The following EPHA7 variants were observed in gnomAD, a reference collection of about 807,000 sequenced individuals.
The protein encoded by EPHA7 is EPH receptor A7.
EPHA7 carries 25 observed loss-of-function variants against 112.6 expected under a neutral mutation model. That is an observed-to-expected ratio of 0.22 (90% CI 0.16 to 0.31). The LOEUF is 0.31. Among genes scored for constraint, EPHA7 ranks in the 10% least tolerant of loss-of-function variants. The probability of loss-of-function intolerance (pLI) is 1.00; values close to 1 mark genes in which losing one functional copy is unlikely to be tolerated. For missense variants in EPHA7, 962 were observed against 1,212.6 expected (o/e 0.79, Z 3.07); for synonymous variants, 437 against 406.5 (o/e 1.07, Z -0.90).
At position 93,242,532 on chromosome 6, in the gene EPHA7, C is replaced by T. The variant is rs891436083; in HGVS notation, c.*894G>A. 4.5e-5 allele frequency: 9 copies of T among 200,920 alleles called. No individual in the cohort carries two copies. The highest frequency in any genetic ancestry group is 1.8e-4 in the African/African-American group (8 of 43,582). 12.4% of individuals were successfully genotyped at this position (200,920 alleles called of 1,614,324 possible). A position where few individuals can be genotyped will look rare whatever the true frequency, so the allele number is the denominator to read the frequency against. ...GGATAGTTCTGCTTTCAGAGACTTG[C>T]CTTCACCAACATTCTTCAGATGAAG... On this transcript the variant is annotated 3_prime_UTR_variant, in exon 17 of 17. Transcript: ENST00000369303.
At chr6:93,372,228 T>C (rs1347459595) in intron 3 of EPHA7, among the ~76,000 whole-genome samples, 1 of 152,166 alleles carries the variant, frequency 6.6e-6, no homozygotes, top group East Asian at 1.9e-4. Flanking sequence ...AGGTATCTGA[T>C]GCTTGAACAT....
intron 2 of EPHA7, among the ~76,000 whole-genome samples, chr6:93,414,166 C>A (rs568852446): frequency 6.6e-6 from 1 of 151,640 alleles, no homozygotes; most frequent in African/African-American, 2.4e-5. Context: ...TTAATAACAG[C>A]GGATAGCACA....
intron 3 of EPHA7, among the ~76,000 whole-genome samples, chr6:93,396,442 A>C (rs1189683265): frequency 6.6e-6 from 1 of 151,908 alleles, no homozygotes; most frequent in Non-Finnish European, 1.5e-5. Context: ...AAAGCATATA[A>C]AAATATTTAA....
intron 5 of EPHA7, among the ~76,000 whole-genome samples, chr6:93,325,135 C>A (rs1479126240): frequency 1.3e-5 from 2 of 151,102 alleles, no homozygotes; most frequent in South Asian, 2.1e-4. Flanking sequence ...TTTAGAATTG[C>A]CAGGAATAAT....
chr6:93,277,082 C>T (rs1771505137), intron 5 of EPHA7, among the ~76,000 whole-genome samples: 1 of 151,940 alleles, frequency 6.6e-6, no homozygotes, highest in African/African-American at 2.4e-5. Context: ...AAGGGAAAAC[C>T]TGCTAATAGT....
intron 5 of EPHA7, among the ~76,000 whole-genome samples, chr6:93,323,688 A>C (rs377428932): frequency 5.9e-4 from 90 of 151,574 alleles, no homozygotes; most frequent in African/African-American, 2.1e-3. Flanking sequence ...GAAATCAAAA[A>C]TGAAAGGACT....
chr6:93,322,556 C>G (rs1206749867), intron 5 of EPHA7, among the ~76,000 whole-genome samples: 1 of 151,516 alleles, frequency 6.6e-6, no homozygotes, highest in Non-Finnish European at 1.5e-5. Context: ...CTAAATCATG[C>G]TCCTAAGGAA....
At chr6:93,336,973 G>T (rs1774911083) in intron 5 of EPHA7, among the ~76,000 whole-genome samples, 1 of 151,940 alleles carries the variant, frequency 6.6e-6, no homozygotes, top group South Asian at 2.1e-4. Context: ...GTGGCAGTTT[G>T]AAGTAGTTAG....
At chr6:93,315,158 G>A (rs983655231) in intron 5 of EPHA7, among the ~76,000 whole-genome samples, 17 of 152,020 alleles carry the variant, frequency 1.1e-4, no homozygotes, top group African/African-American at 3.6e-4. Context: ...CACCGCGCCT[G>A]GCCGACAATA....
chr6:93,297,087 TTAAAAA>T (rs1411230892), intron 5 of EPHA7, among the ~76,000 whole-genome samples: 1 of 152,002 alleles, frequency 6.6e-6, no homozygotes, highest in East Asian at 1.9e-4. Flanking sequence ...TATAATTTAC[TTAAAAA>T]TAAAAATATA....
chr6:93,370,035 C>A (rs1776708701), intron 3 of EPHA7, among the ~76,000 whole-genome samples: 1 of 152,164 alleles, frequency 6.6e-6, no homozygotes, highest in African/African-American at 2.4e-5. Flanking sequence ...GACAACTGCA[C>A]AGCCATGTTT....
chr6:93,367,238 C>T (rs1776560418), intron 3 of EPHA7, among the ~76,000 whole-genome samples: 1 of 152,092 alleles, frequency 6.6e-6, no homozygotes, highest in South Asian at 2.1e-4. Flanking sequence ...TCTTACCCCA[C>T]AATTAGTGTT....
intron 5 of EPHA7, among the ~76,000 whole-genome samples, chr6:93,278,416 T>C (rs1381658339): frequency 6.6e-6 from 1 of 152,056 alleles, no homozygotes; most frequent in East Asian, 1.9e-4. Context: ...AAACTGGCTG[T>C]CCTATTCATA....
intron 3 of EPHA7, among the ~76,000 whole-genome samples, chr6:93,366,175 T>C (rs1776499201): frequency 6.6e-6 from 1 of 152,186 alleles, no homozygotes; most frequent in African/African-American, 2.4e-5. Context: ...TCTAGTATTA[T>C]TTTTGTCTTG....
intron 5 of EPHA7, among the ~76,000 whole-genome samples, chr6:93,299,513 G>C (rs768083700): frequency 4.9e-4 from 74 of 152,074 alleles, no homozygotes; most frequent in Non-Finnish European, 8.1e-4. Flanking sequence ...AGAAAAAAGA[G>C]AACATTTATA....
At position 93,410,159 on chromosome 6, in the gene EPHA7, C is replaced by T; in HGVS notation, c.832+342G>A. Reference sequence around the variant, plus strand: ...AGGAGGAATGGCATCTCATTAAATCCTGTTAAATGTCACCTCAGTCTTGCC... The same window carrying T: ...AGGAGGAATGGCATCTCATTAAATCTTGTTAAATGTCACCTCAGTCTTGCC... On this transcript the variant is annotated intron_variant, in intron 3 of 16. Transcript: ENST00000369303. This position sits in a 1 kb window ranked among gnomAD's most constrained non-coding sequence, Gnocchi z 4.0. 4.7e-6 allele frequency: 1 copy of T among 214,786 alleles called. No homozygotes were observed. Among genetic ancestry groups the T allele is most frequent in the Non-Finnish European group, 9.4e-6 (1 of 105,952 alleles). 13.3% of individuals were successfully genotyped at this position (214,786 alleles called of 1,614,324 possible). A position where few individuals can be genotyped will look rare whatever the true frequency, so the allele number is the denominator to read the frequency against.
At chr6:93,375,982 T>A (rs906210945) in intron 3 of EPHA7, among the ~76,000 whole-genome samples, 2 of 152,170 alleles carry the variant, frequency 1.3e-5, no homozygotes, top group Non-Finnish European at 2.9e-5. Context: ...TTATAAAAGA[T>A]TTATGCCATG....
At chr6:93,382,325 C>G (rs906399832) in intron 3 of EPHA7, among the ~76,000 whole-genome samples, 4 of 152,030 alleles carry the variant, frequency 2.6e-5, no homozygotes, top group African/African-American at 9.7e-5. Context: ...AGTATGTAAC[C>G]TAGGTCCCTC....
intron 7 of EPHA7, among the ~76,000 whole-genome samples, chr6:93,265,854 C>T (rs1770909402): frequency 6.6e-6 from 1 of 151,618 alleles, no homozygotes; most frequent in Admixed American, 6.6e-5. Flanking sequence ...TATCTTGCCA[C>T]AATAGGAAGT....
Sources: gnomAD v4.1 joint callset for allele counts (sites outside exome capture counted in the v4.1 genomes callset) on GRCh38, gnomAD v4.1.1 for gene constraint, Gnocchi (gnomAD v3.1) non-coding constraint, MANE v1.5 for transcripts, NCBI Gene and HGNC (gene_info 2026-07-23, HGNC 2026-07-21) for gene names.